Variants in PCDHGA4 observed in about 807,000 individuals in gnomAD.
PCDHGA4 encodes protocadherin gamma subfamily A, 4.
Under a neutral mutation model 54.6 loss-of-function variants are expected in PCDHGA4, and 38 were observed. The observed-to-expected ratio is 0.70, with a 90% confidence interval of 0.54 to 0.91. PCDHGA4 has a LOEUF of 0.91. PCDHGA4 is among the 40% of genes least tolerant of loss of function. PCDHGA4 has a pLI of 0.00. For synonymous variants in PCDHGA4, 511 were observed against 512.9 expected (o/e 1.00, Z 0.05); for missense variants, 1,298 against 1,220.9 (o/e 1.06, Z -0.94).
chr5:141,364,771 T>C (rs1763529395), intron 1 of PCDHGA4: 4 of 1,614,002 alleles, frequency 2.5e-6, no homozygotes, highest in Non-Finnish European at 3.4e-6. Flanking sequence ...AAAATGCGGC[T>C]GCAGGGACAC....
In PCDHGA4 at chr5:141,432,961, A is replaced by T. The variant is rs1457416543; in HGVS notation, c.2515-61846A>T. The T allele has an allele frequency of 1.5e-5, 25 of 1,613,952 alleles. 1 individual carries two copies. The South Asian group carries it at 2.3e-4, about 15-fold the overall frequency. ...AGGCTTCAGGAGGCGGCTTGACAGG[A>T]GCGCCGGCGTCGCACTTTGTGGGCG... On this transcript the variant is annotated intron_variant, in intron 1 of 3. Coordinates refer to ENST00000571252, the MANE Select transcript of PCDHGA4 (RefSeq NM_018917.4). This position sits in a 1 kb window ranked among gnomAD's most constrained non-coding sequence, Gnocchi z 6.0.
chr5:141,375,244 G>T (rs527726605), intron 1 of PCDHGA4: 4 of 1,613,892 alleles, frequency 2.5e-6, no homozygotes, highest in Non-Finnish European at 3.4e-6. Context: ...GTTCCATCCC[G>T]AGAAGTCTCC....
At chr5:141,365,068 G>C in intron 1 of PCDHGA4, 1 of 1,613,812 alleles carries the variant, frequency 6.2e-7, no homozygotes, top group South Asian at 1.1e-5. Flanking sequence ...CCCCATCCGA[G>C]TACAGCGTGA....
At position 141,511,575 on chromosome 5, in the gene PCDHGA4, T is replaced by C. The variant is rs930675653; in HGVS notation, c.*402T>C. On this transcript the variant is annotated 3_prime_UTR_variant, in exon 4 of 4. Transcript: ENST00000571252. ...AGTTCCTCTTTCCCGAGTAAGGTGG[T>C]TGGGGTGTTGAAGTACCAAGTAACC... 28 of 287,258 alleles carry C rather than the reference T, an allele frequency of 9.7e-5. No individual in the cohort carries two copies. Among genetic ancestry groups the C allele is most frequent in the Middle Eastern group, 1.3e-3 (1 of 784 alleles). The allele number at this position is 287,258 out of a possible 1,614,324, so 17.8% of individuals were successfully genotyped here.
intron 1 of PCDHGA4, chr5:141,361,939 G>A: frequency 1.2e-6 from 2 of 1,605,654 alleles, no homozygotes; most frequent in African/African-American, 2.7e-5. Flanking sequence ...AGGACACAAC[G>A]CTTGGCTGTC....
At chr5:141,403,868 A>T (rs2094463706) in intron 1 of PCDHGA4, 2 of 1,613,752 alleles carry the variant, frequency 1.2e-6, no homozygotes, top group Non-Finnish European at 1.7e-6. Context: ...AACAGCAAAA[A>T]GTCTAGATTA....
Position 141,487,007 on chromosome 5 carries a change from G to C in PCDHGA4, c.2515-7800G>C, listed in dbSNP as rs563548715. On this transcript the variant is annotated intron_variant, in intron 1 of 3. Transcript: ENST00000571252. This position sits in a 1 kb window ranked among gnomAD's most constrained non-coding sequence, Gnocchi z 5.0. ...TGCTTGGGTTTCCTATCAGCTCCTG[G>C]AGGCCCCAGATCCCAGCCTGTTTGC... The C allele has an allele frequency of 6.2e-7, 1 of 1,614,206 alleles. No individual in the cohort carries two copies. Among genetic ancestry groups the C allele is most frequent in the Non-Finnish European group, 8.5e-7 (1 of 1,180,042 alleles).
chr5:141,430,997 C>G, intron 1 of PCDHGA4: 1 of 1,613,926 alleles, frequency 6.2e-7, no homozygotes. Context: ...CCTGAATCCG[C>G]GCAGCGGCAG....
rs2099883627 is a variant in PCDHGA4, at chr5:141,511,136, G to A, written c.2852G>A (p.Gly951Asp). 4.3e-6 allele frequency: 7 copies of A among 1,614,194 alleles called. No homozygotes were observed. The East Asian group carries it at 1.6e-4, about 36-fold the overall frequency. The change falls in exon 4 of 4, where the codon GGC (glycine) becomes GAC (aspartate). Residue 951 changes from glycine (G) to aspartate (D), a missense_variant. Physicochemically the swap from Gly to Asp is moderately conservative, Grantham distance 94. Coordinates refer to ENST00000571252, the MANE Select transcript of PCDHGA4 (RefSeq NM_018917.4). ...GGCAAGGCCCCAGCAGGTGGCAATG[G>A]CAACAAGAAGAAGTCGGGCAAGAAG... Reference protein sequence around the residue: ...RDGKAPAGGNGNKKKSGKKEK... With the variant: ...RDGKAPAGGNDNKKKSGKKEK...
At position 141,423,614 on chromosome 5, in the gene PCDHGA4, A is replaced by C. The variant is rs1365658002; in HGVS notation, c.2514+65993A>C. 8 of 1,610,406 alleles carry C rather than the reference A, an allele frequency of 5.0e-6. No homozygotes were observed. The highest frequency in any genetic ancestry group is 6.8e-6 in the Non-Finnish European group (8 of 1,178,132). ...AAAAGCGAGCCACTCTTGATAGCTG[A>C]AGACTCAGCTATCATTTTAGGCAAA... On this transcript the variant is annotated intron_variant, in intron 1 of 3. Transcript: ENST00000571252.
Position 141,355,460 on chromosome 5 carries a change from C to A in PCDHGA4, c.353C>A (p.Ala118Glu). 1 of 1,614,006 alleles carries A rather than the reference C, an allele frequency of 6.2e-7. No homozygotes were observed. The highest frequency in any genetic ancestry group is 8.5e-7 in the Non-Finnish European group (1 of 1,179,908). Residue 118 changes from alanine (A) to glutamate (E), a missense_variant, in exon 1 of 4, where the codon GCG becomes GAG. Physicochemically the swap from Ala to Glu is moderately radical, Grantham distance 107. Coordinates refer to ENST00000571252, the MANE Select transcript of PCDHGA4 (RefSeq NM_018917.4). ...CCGCGCAGCGGCACCTTGGTCACCG[C>A]GGGTAGGATAGACAGGGAGGAGCTC... is the stretch of plus-strand genomic sequence containing the variant. ...LNPRSGTLVT[A>E]GRIDREELCD...
chr5:141,419,123 A>G (rs2096330317), intron 1 of PCDHGA4: 1 of 1,613,766 alleles, frequency 6.2e-7, no homozygotes, highest in African/African-American at 1.3e-5. Context: ...CAACGTCACC[A>G]TCGCAGCCAC....
rs549842756 is a variant in PCDHGA4 at position 141,470,331 on chromosome 5, A to T, written c.2515-24476A>T. ...TTTCCTCAAATGATCCCATAATTTG[A>T]CCTTAGGAAGCTGTTCAAATAGACA... is the stretch of plus-strand genomic sequence containing the variant. On this transcript the variant is annotated intron_variant, in intron 1 of 3. Transcript: ENST00000571252. 3.3e-4 allele frequency among the ~76,000 whole-genome samples: 50 copies of T among 152,244 alleles called. 1 individual carries two copies. Among genetic ancestry groups the T allele is most frequent in the African/African-American group, 1.1e-3 (47 of 41,536 alleles).
intron 1 of PCDHGA4, chr5:141,379,157 G>A (rs962500873): frequency 1.3e-5 from 2 of 152,168 alleles, no homozygotes; most frequent in Non-Finnish European, 2.9e-5. Flanking sequence ...ACCTGACTTT[G>A]TCAGTCTTCT....
chr5:141,485,383 G>C lies in PCDHGA4; in HGVS notation c.2515-9424G>C. 6.2e-7 allele frequency: 1 copy of C among 1,614,128 alleles called. No individual in the cohort carries two copies. Among genetic ancestry groups the C allele is most frequent in the Non-Finnish European group, 8.5e-7 (1 of 1,180,020 alleles). On this transcript the variant is annotated intron_variant, in intron 1 of 3. Coordinates refer to ENST00000571252, the MANE Select transcript of PCDHGA4 (RefSeq NM_018917.4). The surrounding 1 kb of genome is among the most constrained non-coding windows in gnomAD (Gnocchi z 5.7). Reference sequence around the variant, plus strand: ...GCAGGCTGCAGGTCGCTGGAGAGGTGAACCAAAGACACTTCCGTGTGGATT... The same window carrying C: ...GCAGGCTGCAGGTCGCTGGAGAGGTCAACCAAAGACACTTCCGTGTGGATT...
Position 141,364,123 on chromosome 5 carries a change from C to T in PCDHGA4, c.2514+6502C>T, listed in dbSNP as rs1763177434. ...AGTCACTGGTTAGGACTCTGAGTGT[C>T]GCTGTTGACCAAAGTGGGAAAGAAG... is the stretch of plus-strand genomic sequence containing the variant. On this transcript the variant is annotated intron_variant, in intron 1 of 3. Coordinates refer to ENST00000571252, the MANE Select transcript of PCDHGA4 (RefSeq NM_018917.4). 3 of 460,466 alleles carry T rather than the reference C, an allele frequency of 6.5e-6. No individual in the cohort carries two copies. The Admixed American group carries it at 1.1e-4, about 18-fold the overall frequency. The allele number at this position is 460,466 out of a possible 1,614,324, so 28.5% of individuals were successfully genotyped here. A position where few individuals can be genotyped will look rare whatever the true frequency, so the allele number is the denominator to read the frequency against.
intron 1 of PCDHGA4, chr5:141,478,018 C>T: frequency 1.9e-6 from 3 of 1,614,124 alleles, no homozygotes; most frequent in Non-Finnish European, 2.5e-6. Context: ...CCCGTCCAGT[C>T]CAAGACACAG....
At chr5:141,454,426 GAC>G (rs746508144) in intron 1 of PCDHGA4, among the ~76,000 whole-genome samples, 3 of 152,168 alleles carry the variant, frequency 2.0e-5, no homozygotes, top group Non-Finnish European at 2.9e-5. Context: ...TTTATTTAGA[GAC>G]AGAGTTTCAC....
At chr5:141,426,442 G>A (rs1205822455) in intron 1 of PCDHGA4, 9 of 306,752 alleles carry the variant, frequency 2.9e-5, no homozygotes, top group African/African-American at 4.3e-5. Context: ...CCTTGCGGAG[G>A]ACATGCGGCT....
Sources: gnomAD v4.1 joint callset for allele counts (sites outside exome capture counted in the v4.1 genomes callset) on GRCh38, gnomAD v4.1.1 for gene constraint, Gnocchi (gnomAD v3.1) non-coding constraint, MANE v1.5 for transcripts, NCBI Gene and HGNC (gene_info 2026-07-23, HGNC 2026-07-21) for gene names.